The following RPAP1 variants were observed in gnomAD, a reference collection of about 807,000 sequenced individuals.
RPAP1 encodes RNA polymerase II associated protein 1.
A neutral mutation model predicts 142.4 loss-of-function variants in RPAP1; 109 were observed. That is an observed-to-expected ratio of 0.77 (90% CI 0.66 to 0.90). The LOEUF is 0.90. Among genes scored for constraint, RPAP1 ranks in the 40% least tolerant of loss-of-function variants. The probability of loss-of-function intolerance (pLI) is 0.00; values close to 1 mark genes in which losing one functional copy is unlikely to be tolerated. For synonymous variants in RPAP1, 704 were observed against 738.9 expected, an observed-to-expected ratio of 0.95 and a Z score of 0.77; for missense variants, 1,546 against 1,751.7, an observed-to-expected ratio of 0.88 and a Z score of 2.10.
At chr15:41,517,926 C>T in intron 23 of RPAP1, 69 bp from the exon 24 acceptor site, 8 of 1,613,140 alleles carry the variant, frequency 5.0e-6, no homozygotes, top group Non-Finnish European at 6.8e-6. Flanking sequence ...TTGCTTGACA[C>T]TTACCTCTTC....
chr15:41,521,827 G>C lies in RPAP1; in HGVS notation c.2949C>G (p.Ala983=). Residue 983 remains alanine, a synonymous_variant, in exon 21 of 25, where the codon GCC becomes GCG. Coordinates refer to ENST00000304330, the MANE Select transcript of RPAP1 (RefSeq NM_015540.4). ...ATHAALYHGM[A]LALLSRLLPG... ...GCAGCAGCCGGCTCAGCAGGGCCAA[G>C]GCCATACCATGATAGAGGGCAGCAT... 1 of 1,614,194 alleles carries C rather than the reference G, an allele frequency of 6.2e-7. No homozygotes were observed. The highest frequency in any genetic ancestry group is 8.5e-7 in the Non-Finnish European group (1 of 1,180,038).
intron 1 of RPAP1, among the ~76,000 whole-genome samples, chr15:41,541,815 C>G (rs1401364218): frequency 6.6e-6 from 1 of 152,136 alleles, no homozygotes; most frequent in Non-Finnish European, 1.5e-5. Context: ...CCACTGCACT[C>G]CAGCCTGGGG....
chr15:41,529,965 C>G lies in RPAP1; in HGVS notation c.958G>C (p.Val320Leu), dbSNP rs61753586. The G allele has an allele frequency of 1.2e-6, 2 of 1,613,934 alleles. No homozygotes were observed. The highest frequency in any genetic ancestry group is 2.2e-5 in the East Asian group (1 of 44,878). Residue 320 changes from valine to leucine, a missense_variant, in exon 8 of 25, where the codon GTG becomes CTG. Around this residue, in one of 3 missense-constraint regions of RPAP1, gnomAD observed 1,333 missense variants for 1,486.6 expected, o/e 0.90. Coordinates refer to ENST00000304330, the MANE Select transcript of RPAP1 (RefSeq NM_015540.4). The stretch of plus-strand genomic sequence containing the variant: ...TGCAGCCATTCTTTCTGAGGGGTCA[C>G]GGGCAATGCCAGAGCTGGGGAGACA... Reference protein sequence around the residue: ...EPEAPALALPVTPQKEWLHMD... With the variant: ...EPEAPALALPLTPQKEWLHMD...
At chr15:41,534,160 G>A (rs1661521805) in intron 6 of RPAP1, among the ~76,000 whole-genome samples, 1 of 151,520 alleles carries the variant, frequency 6.6e-6, no homozygotes. Context: ...GCTCATGCTT[G>A]TAATCCTAGC....
intron 14 of RPAP1, among the ~76,000 whole-genome samples, chr15:41,526,452 A>G (rs759024712): frequency 1.3e-5 from 2 of 151,952 alleles, no homozygotes; most frequent in Non-Finnish European, 2.9e-5. Flanking sequence ...GAGTCTTGCT[A>G]TGTTGTCCAG....
Position 41,523,919 on chromosome 15 carries a change from T to G in RPAP1, c.2288A>C (p.Gln763Pro). Residue 763 changes from glutamine to proline, a missense_variant, in exon 17 of 25, where the codon CAG (glutamine) becomes CCG (proline). Physicochemically the swap from Gln to Pro is moderately conservative, Grantham distance 76. Transcript: ENST00000304330. Reference sequence around the variant, plus strand: ...AACAAGAGGCTGGAGCCCAGACACCTGTGTCCAAGTGACTAAGGAAGGGGT... The same window carrying G: ...AACAAGAGGCTGGAGCCCAGACACCGGTGTCCAAGTGACTAAGGAAGGGGT... ...SATPSLVTWT[Q>P]VSGLQPLVEP... 6.2e-7 allele frequency: 1 copy of G among 1,609,200 alleles called. No homozygotes were observed. Among genetic ancestry groups the G allele is most frequent in the Non-Finnish European group, 8.5e-7 (1 of 1,177,614 alleles).
chr15:41,525,588 C>T (rs554725562), intron 14 of RPAP1, among the ~76,000 whole-genome samples: 81 of 152,110 alleles, frequency 5.3e-4, no homozygotes, highest in African/African-American at 1.7e-3. Flanking sequence ...TCACCCACCT[C>T]GGCCTTCCAA....
At chr15:41,527,803 C>T in intron 11 of RPAP1, 57 bp downstream of exon 11, 1 of 1,598,394 alleles carries the variant, frequency 6.3e-7, no homozygotes, top group Non-Finnish European at 8.5e-7. Flanking sequence ...TGCCCAGGAA[C>T]AGGAATATGG....
intron 19 of RPAP1, 36 bp from the exon 20 acceptor site, chr15:41,522,286 G>T: frequency 1.3e-6 from 2 of 1,599,022 alleles, no homozygotes; most frequent in South Asian, 2.2e-5. Flanking sequence ...TCTAGAAATT[G>T]ACTCTCATGC....
At position 41,529,986 on chromosome 15, in the gene RPAP1, A is replaced by T; in HGVS notation, c.944-7T>A. ...GTCACGGGCAATGCCAGAGCTGGGGAGACAAAGCATGATAGTATTACCCAA... is the reference window on the plus strand; with the variant it reads ...GTCACGGGCAATGCCAGAGCTGGGGTGACAAAGCATGATAGTATTACCCAA... On this transcript the variant is annotated splice_polypyrimidine_tract_variant and splice_region_variant and intron_variant, in intron 7 of 24. Transcript: ENST00000304330. 6.2e-7 allele frequency: 1 copy of T among 1,611,890 alleles called. No individual in the cohort carries two copies. The highest frequency in any genetic ancestry group is 8.5e-7 in the Non-Finnish European group (1 of 1,178,210).
chr15:41,534,756 C>G lies in RPAP1; in HGVS notation c.721G>C (p.Glu241Gln), dbSNP rs1232199064. The G allele has an allele frequency of 3.1e-6, 5 of 1,614,130 alleles. No homozygotes were observed. The highest frequency in any genetic ancestry group is 4.2e-6 in the Non-Finnish European group (5 of 1,180,038). ...NIARLQAMAP[E>Q]EILQEQQRLL... ...CGCTGCTGTTCCTGCAGGATCTCCT[C>G]AGGAGCCATGGCCTGCAGTCTTGCT... Residue 241 changes from glutamate to glutamine, a missense_variant, in exon 6 of 25, where the codon GAG (glutamate) becomes CAG (glutamine). By Grantham distance (29) the Glu-to-Gln change is conservative. Around this residue, in one of 3 missense-constraint regions of RPAP1, gnomAD observed 1,333 missense variants for 1,486.6 expected, o/e 0.90. Transcript: ENST00000304330.
At chr15:41,537,244 G>T (rs2051921701) in intron 1 of RPAP1, 43 bp from the exon 2 acceptor site, 3 of 982,064 alleles carry the variant, frequency 3.1e-6, no homozygotes, top group Admixed American at 2.7e-5. Flanking sequence ...ACTGAACCCT[G>T]ATTCTCTTTA....
Position 41,536,366 on chromosome 15 carries a change from GC to G in RPAP1, c.330+134del. The G allele has an allele frequency of 4.4e-6, 6 of 1,363,042 alleles. No individual in the cohort carries two copies. The South Asian group carries it at 6.5e-5, about 15-fold the overall frequency. 84.4% of individuals were successfully genotyped at this position (1,363,042 alleles called of 1,614,324 possible). On this transcript the variant is annotated intron_variant, in intron 3 of 24. Coordinates refer to ENST00000304330, the MANE Select transcript of RPAP1 (RefSeq NM_015540.4). ...CCTTCAGGGCAGTGATTCTAACCCA[GC>G]CCCCAACCTGACCTCAGGGGTAAAA...
intron 17 of RPAP1, 66 bp from the exon 18 acceptor site, chr15:41,523,420 C>A: frequency 9.6e-7 from 1 of 1,037,840 alleles, no homozygotes; most frequent in East Asian, 2.5e-5. Context: ...CCTGTGTACC[C>A]AGGCCAATGC....
rs750664428 is a variant in RPAP1, at chr15:41,531,029, C to G, written c.937G>C (p.Ala313Pro). The G allele has an allele frequency of 6.2e-7, 1 of 1,610,180 alleles. No homozygotes were observed. Among genetic ancestry groups the G allele is most frequent in the Non-Finnish European group, 8.5e-7 (1 of 1,176,864 alleles). Residue 313 changes from alanine (A) to proline (P), a missense_variant, in exon 7 of 25, where the codon GCC becomes CCC. By Grantham distance (27) the Ala-to-Pro change is conservative. Coordinates refer to ENST00000304330, the MANE Select transcript of RPAP1 (RefSeq NM_015540.4). Reference protein sequence around the residue: ...PRKRDKLEPEAPALALPVTPQ... With the variant: ...PRKRDKLEPEPPALALPVTPQ... ...ACCCCCGCCTCCTGCAAACCTGGGG[C>G]TTCTGGCTCCAGCTTGTCTCTCTTC...
At chr15:41,521,616 TTAAGTG>T (rs1371275681) in intron 21 of RPAP1, 116 bp downstream of exon 21, 11 of 1,094,204 alleles carry the variant, frequency 1.0e-5, no homozygotes, top group Admixed American at 5.3e-5. Context: ...CTCGGAAGAG[TTAAGTG>T]TCGTCGGTGG....
At chr15:41,536,442 C>A in intron 3 of RPAP1, 59 bp downstream of exon 3, 1 of 1,594,056 alleles carries the variant, frequency 6.3e-7, no homozygotes, top group South Asian at 1.1e-5. Flanking sequence ...CCACCCCGAG[C>A]ATCCAATATC....
chr15:41,521,916 G>C, intron 20 of RPAP1, 36 bp from the exon 21 acceptor site: 2 of 1,606,146 alleles, frequency 1.2e-6, no homozygotes, highest in Non-Finnish European at 1.7e-6. Flanking sequence ...CCTAGTACAG[G>C]AGAAGGGGAC....
chr15:41,520,941 T>A lies in RPAP1; in HGVS notation c.3245A>T (p.Gln1082Leu). ...ASQALHRGEL[Q>L]RVPTLLLPMP... Reference sequence around the variant, plus strand: ...GGGCAGTAGCAGGGTTGGGACTCGCTGTAGCTCCCCTCGGTGCAGAGCCTG... The same window carrying A: ...GGGCAGTAGCAGGGTTGGGACTCGCAGTAGCTCCCCTCGGTGCAGAGCCTG... Residue 1082 changes from glutamine to leucine, a missense_variant, in exon 22 of 25, where the codon CAG becomes CTG. Transcript: ENST00000304330. The A allele has an allele frequency of 6.2e-7, 1 of 1,612,462 alleles. No homozygotes were observed. Among genetic ancestry groups the A allele is most frequent in the Non-Finnish European group, 8.5e-7 (1 of 1,179,292 alleles).
Sources: gnomAD v4.1 joint callset for allele counts (sites outside exome capture counted in the v4.1 genomes callset) on GRCh38, gnomAD v4.1.1 for gene constraint, gnomAD v4.1.1 regional missense constraint, MANE v1.5 for transcripts, NCBI Gene and HGNC (gene_info 2026-07-23, HGNC 2026-07-21) for gene names.